Variants in RSF1 observed in about 807,000 individuals in gnomAD.
The protein encoded by RSF1 is remodeling and spacing factor 1, also known as HBV pX-associated protein 8.
In RSF1, 13 loss-of-function variants were observed where a neutral mutation model predicts 145.2. The observed-to-expected ratio is 0.09, with a 90% CI of 0.06 to 0.14. The LOEUF (loss-of-function observed/expected upper bound fraction) is 0.14. RSF1 is among the 10% of genes least tolerant of loss of function. The pLI, the probability that RSF1 is intolerant of heterozygous loss-of-function variation, is 1.00. For missense variants in RSF1, 1,517 were observed against 1,718.2 expected, an observed-to-expected ratio of 0.88 and a Z score of 2.07; for synonymous variants, 577 against 592.6, an observed-to-expected ratio of 0.97 and a Z score of 0.38.
At chr11:77,688,016 A>G (rs186279901) in intron 9 of RSF1, among the ~76,000 whole-genome samples, 190 of 152,158 alleles carry the variant, frequency 1.2e-3, no homozygotes, top group African/African-American at 4.3e-3. Context: ...CTCAGCTGGG[A>G]GTAGTGGCTC....
chr11:77,692,704 A>T (rs1490833861), intron 8 of RSF1, among the ~76,000 whole-genome samples: 4 of 142,524 alleles, frequency 2.8e-5, no homozygotes, highest in Non-Finnish European at 4.6e-5. Context: ...TTTGAGACAG[A>T]GTCTTGCTCT....
intron 1 of RSF1, among the ~76,000 whole-genome samples, chr11:77,784,456 A>G (rs1361362271): frequency 6.6e-6 from 1 of 151,726 alleles, no homozygotes; most frequent in Non-Finnish European, 1.5e-5. Flanking sequence ...TAGTATCTCC[A>G]TCATTTCTGA....
chr11:77,786,561 G>A (rs1005080485), intron 1 of RSF1, among the ~76,000 whole-genome samples: 2 of 152,054 alleles, frequency 1.3e-5, no homozygotes, highest in Admixed American at 1.3e-4. Context: ...TTCCATTAAA[G>A]TTTTAGTCAC....
At chr11:77,836,513 C>T in the RSF1 span, among the ~76,000 whole-genome samples, 4 of 152,146 alleles carry the variant, frequency 2.6e-5, no homozygotes, top group Admixed American at 2.6e-4. Flanking sequence ...GACTTCTGGT[C>T]TCCAGAAGTG....
At chr11:77,691,383 A>G in intron 8 of RSF1, 145 bp from the exon 9 acceptor site, 1 of 643,978 alleles carries the variant, frequency 1.6e-6, no homozygotes, top group Non-Finnish European at 2.7e-6. Flanking sequence ...CTTGTGTTTA[A>G]TTAAACACAC....
At chr11:77,806,821 A>G (rs906517001) in intron 1 of RSF1, among the ~76,000 whole-genome samples, 1 of 152,210 alleles carries the variant, frequency 6.6e-6, no homozygotes, top group East Asian at 1.9e-4. Flanking sequence ...TCAGTAATGT[A>G]TATCTTTACA....
rs1959282010 is a variant in RSF1 at position 77,663,440 on chromosome 11, A to G, written c.*3477T>C. 1 of 152,222 alleles carries G rather than the reference A, an allele frequency of 6.6e-6. No individual in the cohort carries two copies. The highest frequency in any genetic ancestry group is 1.5e-5 in the Non-Finnish European group (1 of 68,028). The allele number at this position is 152,222 out of a possible 1,614,324, so 9.4% of individuals were successfully genotyped here. A position where few individuals can be genotyped will look rare whatever the true frequency, so the allele number is the denominator to read the frequency against. ...AACTGGGTACGTGTAACACCCTTTT[A>G]AAATTAATTTGTTTAAAAATTATTT... On this transcript the variant is annotated 3_prime_UTR_variant, in exon 16 of 16. Transcript: ENST00000308488.
intron 1 of RSF1, among the ~76,000 whole-genome samples, chr11:77,775,703 G>A (rs1412178166): frequency 6.6e-6 from 1 of 152,224 alleles, no homozygotes; most frequent in Non-Finnish European, 1.5e-5. Context: ...GGGAGGCTGA[G>A]GAAGGAGGAT....
At chr11:77,772,064 A>T (rs1051356934) in intron 1 of RSF1, among the ~76,000 whole-genome samples, 6 of 152,232 alleles carry the variant, frequency 3.9e-5, no homozygotes, top group Non-Finnish European at 8.8e-5. Context: ...CATTCTGAAA[A>T]GCAGAAATCA....
At chr11:77,798,414 G>A (rs762591312) in intron 1 of RSF1, among the ~76,000 whole-genome samples, 18 of 150,938 alleles carry the variant, frequency 1.2e-4, no homozygotes, top group Admixed American at 3.3e-4. Context: ...GTGAAACCCC[G>A]TCTCTACTAA....
At chr11:77,775,569 G>C (rs989353133) in intron 1 of RSF1, among the ~76,000 whole-genome samples, 1 of 152,128 alleles carries the variant, frequency 6.6e-6, no homozygotes, top group African/African-American at 2.4e-5. Flanking sequence ...ACTTACACAG[G>C]CATATTCTAG....
intron 2 of RSF1, among the ~76,000 whole-genome samples, chr11:77,755,584 AT>A (rs55731438): frequency 3.0e-4 from 45 of 148,084 alleles, no homozygotes; most frequent in Non-Finnish European, 3.0e-4. Flanking sequence ...AATCAAGAAG[AT>A]TTTTTTTTTT....
At chr11:77,787,087 C>T (rs898916581) in intron 1 of RSF1, among the ~76,000 whole-genome samples, 2 of 152,114 alleles carry the variant, frequency 1.3e-5, no homozygotes, top group African/African-American at 4.8e-5. Context: ...TTTGCAGAGT[C>T]CCTCTGAGTC....
At chr11:77,777,253 A>G (rs927727033) in intron 1 of RSF1, among the ~76,000 whole-genome samples, 1 of 152,330 alleles carries the variant, frequency 6.6e-6, no homozygotes, top group Admixed American at 6.5e-5. Context: ...GATATTAACT[A>G]TAATTATTTT....
chr11:77,695,514 A>G (rs1489790762), intron 7 of RSF1, among the ~76,000 whole-genome samples: 1 of 152,078 alleles, frequency 6.6e-6, no homozygotes, highest in African/African-American at 2.4e-5. Context: ...TGTTGTTGGA[A>G]CTGTTCCAGC....
intron 8 of RSF1, chr11:77,691,522 G>A (rs1960148508): frequency 5.3e-6 from 2 of 376,628 alleles, no homozygotes; most frequent in African/African-American, 4.1e-5. Context: ...AACAGCATTT[G>A]GTTCAACATG....
At chr11:77,842,704 A>C in the RSF1 span, 1 of 1,565,904 alleles carries the variant, frequency 6.4e-7, no homozygotes, top group East Asian at 2.2e-5. Context: ...GCAATGACTA[A>C]GTGAAAAACT....
In RSF1 at chr11:77,693,615, A is replaced by G; in HGVS notation, c.2716-4T>C. ...CGCAAGAGTCACACAGAAGAATCTGAAATAACCACACTGATGTCAACCTAA... is the reference window on the plus strand; with the variant it reads ...CGCAAGAGTCACACAGAAGAATCTGGAATAACCACACTGATGTCAACCTAA... On this transcript the variant is annotated splice_region_variant and splice_polypyrimidine_tract_variant and intron_variant, in intron 7 of 15. Transcript: ENST00000308488. The G allele has an allele frequency of 6.2e-7, 1 of 1,603,544 alleles. No homozygotes were observed. The highest frequency in any genetic ancestry group is 8.5e-7 in the Non-Finnish European group (1 of 1,170,890).
intron 4 of RSF1, among the ~76,000 whole-genome samples, chr11:77,733,557 A>ATTT (rs11353278): frequency 8.0e-6 from 1 of 124,294 alleles, no homozygotes; most frequent in African/African-American, 3.1e-5. Context: ...TACATCTTTG[A>ATTT]TTTTTTTTTT....
Sources: allele counts gnomAD v4.1 joint callset (sites outside exome capture counted in the v4.1 genomes callset), GRCh38; gene constraint gnomAD v4.1.1; transcripts MANE v1.5; gene names NCBI Gene and HGNC (gene_info 2026-07-23, HGNC 2026-07-21).